The following CHN2 variants were observed in gnomAD, a reference collection of about 807,000 sequenced individuals.
The protein encoded by CHN2 is beta-chimaerin.
CHN2 carries 35 observed loss-of-function variants against 56.3 expected under a neutral mutation model. The observed-to-expected ratio is 0.62, with a 90% CI of 0.47 to 0.82. The LOEUF (loss-of-function observed/expected upper bound fraction) is 0.82. Among genes scored for constraint, CHN2 ranks in the 40% least tolerant of loss-of-function variants. The pLI, the probability that CHN2 is intolerant of heterozygous loss-of-function variation, is 0.00. For missense variants in CHN2, 491 were observed against 580.5 expected, an observed-to-expected ratio of 0.85 and a Z score of 1.58; for synonymous variants, 210 against 212.8, an observed-to-expected ratio of 0.99 and a Z score of 0.12.
At chr7:29,387,693 G>C (rs1801026448) in intron 3 of CHN2, among the ~76,000 whole-genome samples, 1 of 152,176 alleles carries the variant, frequency 6.6e-6, no homozygotes, top group Non-Finnish European at 1.5e-5. Context: ...GTGTTCTCCT[G>C]ATCCTGTTTA....
At chr7:29,356,564 T>C (rs1174280349) in intron 2 of CHN2, among the ~76,000 whole-genome samples, 1 of 152,180 alleles carries the variant, frequency 6.6e-6, no homozygotes, top group East Asian at 1.9e-4. Flanking sequence ...TTTTTGTTGT[T>C]GTTGTGTAAA....
intron 3 of CHN2, among the ~76,000 whole-genome samples, chr7:29,381,276 C>T (rs917418268): frequency 6.6e-6 from 1 of 152,132 alleles, no homozygotes; most frequent in African/African-American, 2.4e-5. Flanking sequence ...AGAAAACATT[C>T]ATTTCACCTG....
intron 1 of CHN2, among the ~76,000 whole-genome samples, chr7:29,254,438 T>C (rs1402131477): frequency 6.6e-6 from 1 of 152,230 alleles, no homozygotes; most frequent in African/African-American, 2.4e-5. Context: ...CTCAAGCACG[T>C]TCTGTAACAA....
chr7:29,483,396 T>C (rs1264329246), intron 7 of CHN2, among the ~76,000 whole-genome samples: 1 of 152,180 alleles, frequency 6.6e-6, no homozygotes, highest in Admixed American at 6.5e-5. Flanking sequence ...AATTCGGCTC[T>C]GAGAACAAAA....
chr7:29,414,100 G>T (rs541953996), intron 6 of CHN2, among the ~76,000 whole-genome samples: 1 of 152,100 alleles, frequency 6.6e-6, no homozygotes, highest in African/African-American at 2.4e-5. Context: ...TTACTATATC[G>T]CAAGGTGATG....
intron 1 of CHN2, among the ~76,000 whole-genome samples, chr7:29,230,609 G>A (rs867045114): frequency 3.9e-5 from 6 of 152,102 alleles, no homozygotes; most frequent in Non-Finnish European, 7.4e-5. Context: ...TCAAAGTGCT[G>A]GGATTACAGG....
chr7:29,291,124 T>C (rs757360460), intron 1 of CHN2, among the ~76,000 whole-genome samples: 25 of 152,190 alleles, frequency 1.6e-4, no homozygotes, highest in Non-Finnish European at 2.8e-4. Context: ...TGAGGTGCTT[T>C]TCCCTTACCA....
intron 6 of CHN2, among the ~76,000 whole-genome samples, chr7:29,402,159 C>T (rs1389725666): frequency 6.6e-6 from 1 of 152,148 alleles, no homozygotes; most frequent in Non-Finnish European, 1.5e-5. Flanking sequence ...GGGGCTTCAT[C>T]AGAAAGCCCT....
At chr7:29,376,430 G>C (rs1044012315) in intron 3 of CHN2, 1 of 152,210 alleles carries the variant, frequency 6.6e-6, no homozygotes, top group Admixed American at 6.5e-5. Context: ...GTGAGTCACG[G>C]AGTGTGATCC....
chr7:29,472,828 G>A (rs1418597580), intron 6 of CHN2, among the ~76,000 whole-genome samples: 1 of 152,152 alleles, frequency 6.6e-6, no homozygotes, highest in Non-Finnish European at 1.5e-5. Context: ...ATTCCTCTAG[G>A]AACAGAGAGG....
At chr7:29,479,723 T>C in intron 6 of CHN2, 1 of 1,091,598 alleles carries the variant, frequency 9.2e-7, no homozygotes, top group Non-Finnish European at 1.1e-6. Flanking sequence ...TGTGTTTGAG[T>C]GTGAAATGTG....
chr7:29,437,597 C>CAA lies in CHN2; in HGVS notation c.576+36784_576+36785dup, dbSNP rs11436612. The stretch of plus-strand genomic sequence containing the variant: ...TGGGCGACAGAGCGAGACTCCGTCT[C>CAA]AAAAAAAAAAAAAAAAGATATCTAA... On this transcript the variant is annotated intron_variant, in intron 6 of 12. Transcript: ENST00000222792. Among the ~76,000 whole-genome samples, 33 of 52,592 alleles carry CAA rather than the reference C, an allele frequency of 6.3e-4. 6 individuals are homozygous for CAA. Among genetic ancestry groups the CAA allele is most frequent in the South Asian group, 2.6e-3 (5 of 1,934 alleles). The allele number at this position is 52,592 out of a possible 152,430, so 34.5% of individuals were successfully genotyped here. A position where few individuals can be genotyped will look rare whatever the true frequency, so the allele number is the denominator to read the frequency against.
At chr7:29,342,578 A>T (rs968232143) in intron 1 of CHN2, among the ~76,000 whole-genome samples, 3 of 152,218 alleles carry the variant, frequency 2.0e-5, no homozygotes, top group African/African-American at 7.2e-5. Flanking sequence ...CAAAAAATAT[A>T]TCATTATAGT....
intron 7 of CHN2, among the ~76,000 whole-genome samples, chr7:29,492,021 T>A (rs1364749016): frequency 2.0e-5 from 3 of 152,232 alleles, no homozygotes; most frequent in African/African-American, 7.2e-5. Flanking sequence ...TCAATTTGCT[T>A]CTCACTGAAG....
chr7:29,325,472 A>G (rs1023187305), intron 1 of CHN2, among the ~76,000 whole-genome samples: 3 of 152,208 alleles, frequency 2.0e-5, no homozygotes, highest in African/African-American at 7.2e-5. Context: ...CTCCATCAGC[A>G]CCATACTATG....
Position 29,401,127 on chromosome 7 carries a change from G to A in CHN2, c.576+299G>A, listed in dbSNP as rs1802170438. 2.3e-5 allele frequency: 7 copies of A among 310,688 alleles called. No homozygotes were observed. In the South Asian group the frequency reaches 2.7e-4, roughly 12 times the overall value. The allele number at this position is 310,688 out of a possible 1,614,324, so 19.2% of individuals were successfully genotyped here. ...ACAAAAAATACAAAAAATCAGCCGG[G>A]TGTGGTGGTGGGCGCCTGTAGTCCC... is the stretch of plus-strand genomic sequence containing the variant. On this transcript the variant is annotated intron_variant, in intron 6 of 12. Coordinates refer to ENST00000222792, the MANE Select transcript of CHN2 (RefSeq NM_004067.4).
At chr7:29,260,874 A>G (rs1273628981) in intron 1 of CHN2, among the ~76,000 whole-genome samples, 3 of 152,222 alleles carry the variant, frequency 2.0e-5, no homozygotes, top group East Asian at 1.9e-4. Flanking sequence ...ATTCTGACAC[A>G]TGTAATTCAC....
At chr7:29,265,426 G>A (rs560251091) in intron 1 of CHN2, among the ~76,000 whole-genome samples, 1 of 152,326 alleles carries the variant, frequency 6.6e-6, no homozygotes, top group Admixed American at 6.5e-5. Context: ...GAAACCTCGT[G>A]CTCTTTTGAG....
intron 1 of CHN2, among the ~76,000 whole-genome samples, chr7:29,265,942 C>T (rs763955313): frequency 2.6e-4 from 39 of 152,258 alleles, no homozygotes; most frequent in Middle Eastern, 3.4e-3. Context: ...GTGACTTGTG[C>T]CTGTAGTCTC....
Sources: gnomAD v4.1 joint callset for allele counts (sites outside exome capture counted in the v4.1 genomes callset) on GRCh38, gnomAD v4.1.1 for gene constraint, MANE v1.5 for transcripts, NCBI Gene and HGNC (gene_info 2026-07-23, HGNC 2026-07-21) for gene names.